Variants in ADARB2 observed in about 807,000 individuals in gnomAD.
ADARB2 encodes the protein inactive double-stranded RNA-specific editase B2.
A neutral mutation model predicts 62.2 loss-of-function variants in ADARB2; 25 were observed. That is an observed-to-expected ratio of 0.40 (90% confidence interval 0.29 to 0.56). ADARB2 has a LOEUF of 0.56. Among genes scored for constraint, ADARB2 ranks in the 20% least tolerant of loss-of-function variants. ADARB2 has a pLI of 0.43. For synonymous variants in ADARB2, 572 were observed against 500.8 expected, an observed-to-expected ratio of 1.14 and a Z score of -1.90; for missense variants, 1,071 against 1,077.4, an observed-to-expected ratio of 0.99 and a Z score of 0.08.
chr10:1,253,512 C>A (rs1407744873), intron 4 of ADARB2, among the ~76,000 whole-genome samples: 1 of 152,212 alleles, frequency 6.6e-6, no homozygotes, highest in Non-Finnish European at 1.5e-5. Flanking sequence ...TAATGTATTT[C>A]CATTTGTTTA....
chr10:1,550,474 G>A (rs1485473729), intron 1 of ADARB2, among the ~76,000 whole-genome samples: 5 of 152,170 alleles, frequency 3.3e-5, no homozygotes, highest in Admixed American at 2.6e-4. Flanking sequence ...GAAAACCAAC[G>A]AATATGAGTC....
intron 6 of ADARB2, among the ~76,000 whole-genome samples, chr10:1,226,467 T>TG (rs200674157): frequency 0.018 from 2,808 of 152,332 alleles, 29 homozygotes; most frequent in Non-Finnish European, 0.031. Context: ...TCCATTCCTT[T>TG]GGAGGAGGAG....
At chr10:1,667,793 T>C in intron 1 of ADARB2, among the ~76,000 whole-genome samples, 1 of 152,220 alleles carries the variant, frequency 6.6e-6, no homozygotes, top group Admixed American at 6.5e-5. Context: ...AGTGGTAAAA[T>C]TCTGATTTCC....
Position 1,466,613 on chromosome 10 carries a change from AGG to A in ADARB2, c.101-87455_101-87454del, listed in dbSNP as rs924689355. On this transcript the variant is annotated intron_variant, in intron 1 of 9. Coordinates refer to ENST00000381312, the MANE Select transcript of ADARB2 (RefSeq NM_018702.4). ...GGCCCGCCTCACCCTATGAGAGAGGAGGGGCCCCTCTCAGGAACACTGGAGGT... is the reference window on the plus strand; with the variant it reads ...GGCCCGCCTCACCCTATGAGAGAGGAGGCCCCTCTCAGGAACACTGGAGGT... Among the ~76,000 whole-genome samples the A allele has an allele frequency of 1.1e-3, 171 of 152,236 alleles. 1 individual carries two copies. The highest frequency in any genetic ancestry group is 3.9e-3 in the African/African-American group (162 of 41,538).
chr10:1,586,376 C>G (rs1833180487), intron 1 of ADARB2, among the ~76,000 whole-genome samples: 4 of 152,184 alleles, frequency 2.6e-5, no homozygotes, highest in Admixed American at 2.6e-4. Context: ...GCCACCAAAT[C>G]CAGAAGATGA....
intron 1 of ADARB2, among the ~76,000 whole-genome samples, chr10:1,659,775 TCCGGGGCAGGGG>T (rs1834221005): frequency 7.0e-6 from 1 of 142,250 alleles, no homozygotes; most frequent in African/African-American, 2.6e-5. Context: ...CCTGTGAGAC[TCCGGGGCAGGGG>T]CTGTCTCCAC....
chr10:1,632,408 C>T (rs1397740681), intron 1 of ADARB2, among the ~76,000 whole-genome samples: 1 of 152,098 alleles, frequency 6.6e-6, no homozygotes, highest in African/African-American at 2.4e-5. Flanking sequence ...CATCTGCATA[C>T]ACATTATACA....
chr10:1,650,473 G>A (rs868082925), intron 1 of ADARB2, among the ~76,000 whole-genome samples: 5 of 150,526 alleles, frequency 3.3e-5, no homozygotes, highest in Non-Finnish European at 5.9e-5. Context: ...TGTGGTGCTG[G>A]TAGGCTGCAG....
intron 1 of ADARB2, among the ~76,000 whole-genome samples, chr10:1,464,480 C>A (rs113768030): frequency 2.6e-5 from 2 of 76,844 alleles, no homozygotes; most frequent in South Asian, 5.6e-4. Context: ...CCCCCACACA[C>A]GTGCTGGGGG....
At chr10:1,592,965 C>G (rs80057897) in intron 1 of ADARB2, among the ~76,000 whole-genome samples, 838 of 37,372 alleles carry the variant, frequency 0.022, no homozygotes, top group Middle Eastern at 0.053. Flanking sequence ...CCCAAGCCAC[C>G]CTCCATAGGT....
chr10:1,425,602 C>T (rs536509911), intron 1 of ADARB2, among the ~76,000 whole-genome samples: 9 of 152,334 alleles, frequency 5.9e-5, no homozygotes, highest in African/African-American at 1.9e-4. Flanking sequence ...CTCGCTCACT[C>T]CGCTTAGATC....
chr10:1,570,090 T>C (rs1367145222), intron 1 of ADARB2, among the ~76,000 whole-genome samples: 1 of 152,202 alleles, frequency 6.6e-6, no homozygotes, highest in East Asian at 1.9e-4. Context: ...CTCATTCACA[T>C]ACAAACGTAT....
intron 1 of ADARB2, among the ~76,000 whole-genome samples, chr10:1,544,199 C>G (rs551874828): frequency 6.6e-6 from 1 of 152,290 alleles, no homozygotes; most frequent in Non-Finnish European, 1.5e-5. Context: ...ACGCCAGGGT[C>G]TGGGAGGGCA....
At chr10:1,226,160 T>C (rs972417571) in intron 6 of ADARB2, among the ~76,000 whole-genome samples, 2 of 152,234 alleles carry the variant, frequency 1.3e-5, no homozygotes, top group Non-Finnish European at 2.9e-5. Context: ...TTCATTCATT[T>C]GATCTTCCAT....
chr10:1,646,424 T>C lies in ADARB2; in HGVS notation c.100+90627A>G, dbSNP rs554489641. On this transcript the variant is annotated intron_variant, in intron 1 of 9. Transcript: ENST00000381312. ...TGAATCCACAAACAATGAACAGTGGTCTCATTGAATAGGAAGAGAGCAAAT... is the reference window on the plus strand; with the variant it reads ...TGAATCCACAAACAATGAACAGTGGCCTCATTGAATAGGAAGAGAGCAAAT... 4.6e-5 allele frequency among the ~76,000 whole-genome samples: 7 copies of C among 152,326 alleles called. No homozygotes were observed. The East Asian group carries it at 1.2e-3, about 25-fold the overall frequency.
intron 1 of ADARB2, among the ~76,000 whole-genome samples, chr10:1,600,852 T>C (rs1255461841): frequency 6.6e-6 from 1 of 152,132 alleles, no homozygotes; most frequent in African/African-American, 2.4e-5. Flanking sequence ...TCCATGGTGA[T>C]GCTAAATCCC....
chr10:1,580,495 T>A (rs565705733), intron 1 of ADARB2, among the ~76,000 whole-genome samples: 45 of 138,468 alleles, frequency 3.2e-4, no homozygotes, highest in African/African-American at 1.2e-3. Context: ...AGAAAATTTG[T>A]CTTAAGGCTT....
intron 2 of ADARB2, 101 bp from the exon 3 acceptor site, chr10:1,364,018 G>A (rs1832290269): frequency 2.2e-6 from 3 of 1,369,876 alleles, no homozygotes; most frequent in East Asian, 5.8e-5. Flanking sequence ...CGACCTCGCC[G>A]CCCGCGCCCC....
At chr10:1,582,228 C>G (rs953587311) in intron 1 of ADARB2, among the ~76,000 whole-genome samples, 5 of 149,426 alleles carry the variant, frequency 3.3e-5, no homozygotes, top group Admixed American at 6.8e-5. Flanking sequence ...TGTCTCTGGC[C>G]CAGCTACTTC....
Sources: allele counts gnomAD v4.1 joint callset (sites outside exome capture counted in the v4.1 genomes callset), GRCh38; gene constraint gnomAD v4.1.1; transcripts MANE v1.5; gene names NCBI Gene and HGNC (gene_info 2026-07-23, HGNC 2026-07-21).